The following CADM1 variants were observed in gnomAD, a reference collection of about 807,000 sequenced individuals.
The protein encoded by CADM1 is cell adhesion molecule 1.
In CADM1, 15 loss-of-function variants were observed where a neutral mutation model predicts 53.1. That is an observed-to-expected ratio of 0.28 (90% CI 0.19 to 0.44). CADM1 has a LOEUF of 0.44. CADM1 is among the 20% of genes least tolerant of loss of function. CADM1 has a pLI of 1.00. For synonymous variants in CADM1, 281 were observed against 243.0 expected, an observed-to-expected ratio of 1.16 and a Z score of -1.45; for missense variants, 434 against 611.3, an observed-to-expected ratio of 0.71 and a Z score of 3.06.
At chr11:115,208,287 C>CT (rs1440944721) in intron 8 of CADM1, among the ~76,000 whole-genome samples, 1 of 152,172 alleles carries the variant, frequency 6.6e-6, no homozygotes, top group Non-Finnish European at 1.5e-5. Flanking sequence ...CTTAAGGGTT[C>CT]TTTTTTCCAC....
chr11:115,295,541 TATATATATAATA>T, intron 1 of CADM1, among the ~76,000 whole-genome samples: 1 of 82,468 alleles, frequency 1.2e-5, no homozygotes, highest in South Asian at 3.2e-4. Context: ...TATATATATA[TATATATATAATA>T]TATATGTATA....
intron 1 of CADM1, among the ~76,000 whole-genome samples, chr11:115,278,939 G>A (rs1458483110): frequency 1.3e-5 from 2 of 152,200 alleles, no homozygotes; most frequent in Admixed American, 6.5e-5. Flanking sequence ...ACTTACTGCC[G>A]AAGATGGGAA....
Position 115,175,798 on chromosome 11 carries a change from C to G in CADM1, c.*676G>C. 2 of 992,364 alleles carry G rather than the reference C, an allele frequency of 2.0e-6. No homozygotes were observed. Among genetic ancestry groups the G allele is most frequent in the Non-Finnish European group, 2.4e-6 (2 of 833,980 alleles). The allele number at this position is 992,364 out of a possible 1,614,324, so 61.5% of individuals were successfully genotyped here. A position where few individuals can be genotyped will look rare whatever the true frequency, so the allele number is the denominator to read the frequency against. On this transcript the variant is annotated 3_prime_UTR_variant, in exon 12 of 12. Transcript: ENST00000331581. ...AGCAAACAGAACATTTTCTGAATCA[C>G]AGTCTAATTTTCTAGTCTTCACTGC...
chr11:115,417,779 C>G (rs1365966776), intron 1 of CADM1, among the ~76,000 whole-genome samples: 2 of 152,252 alleles, frequency 1.3e-5, no homozygotes, highest in African/African-American at 4.8e-5. Context: ...TCTATTTAAT[C>G]TTTTTGGATC....
intron 1 of CADM1, among the ~76,000 whole-genome samples, chr11:115,465,036 T>C (rs1948869187): frequency 6.6e-6 from 1 of 152,182 alleles, no homozygotes; most frequent in South Asian, 2.1e-4. Context: ...TACAACCACT[T>C]ATCTGGGCAT....
intron 1 of CADM1, among the ~76,000 whole-genome samples, chr11:115,336,043 G>C (rs909977655): frequency 5.3e-5 from 8 of 152,054 alleles, no homozygotes; most frequent in Admixed American, 6.6e-5. Flanking sequence ...CAAGTATGTA[G>C]CAAAAATGCT....
intron 1 of CADM1, among the ~76,000 whole-genome samples, chr11:115,463,806 AT>A (rs1948842182): frequency 7.3e-6 from 1 of 137,388 alleles, no homozygotes; most frequent in East Asian, 2.2e-4. Context: ...TGTCACATCC[AT>A]TTTGTTATCT....
chr11:115,181,867 C>A (rs1344506403), intron 10 of CADM1, among the ~76,000 whole-genome samples: 2 of 152,212 alleles, frequency 1.3e-5, no homozygotes, highest in Non-Finnish European at 2.9e-5. Context: ...TGACATGAAG[C>A]AGCCGTGCAA....
chr11:115,226,620 T>G (rs146157951), intron 5 of CADM1, among the ~76,000 whole-genome samples: 2 of 152,318 alleles, frequency 1.3e-5, no homozygotes, highest in East Asian at 3.9e-4. Flanking sequence ...GTGTCTCTTC[T>G]TTCCTCATGG....
chr11:115,488,313 G>T (rs1160936014), intron 1 of CADM1, among the ~76,000 whole-genome samples: 1 of 152,204 alleles, frequency 6.6e-6, no homozygotes, highest in African/African-American at 2.4e-5. Flanking sequence ...TAAATGGATG[G>T]ATGTGACTAT....
At chr11:115,418,856 C>T (rs891735651) in intron 1 of CADM1, among the ~76,000 whole-genome samples, 3 of 152,020 alleles carry the variant, frequency 2.0e-5, no homozygotes. Flanking sequence ...ACTTAAAGCA[C>T]GTCAAGACAA....
At chr11:115,311,980 T>C (rs1682124695) in intron 1 of CADM1, among the ~76,000 whole-genome samples, 1 of 152,168 alleles carries the variant, frequency 6.6e-6, no homozygotes, top group South Asian at 2.1e-4. Context: ...ATGTATTTAA[T>C]ATGTTTCTTC....
intron 1 of CADM1, among the ~76,000 whole-genome samples, chr11:115,490,993 C>G (rs560381391): frequency 6.6e-6 from 1 of 152,166 alleles, no homozygotes; most frequent in East Asian, 1.9e-4. Context: ...AACATCCGGA[C>G]TGAGATGTCC....
chr11:115,303,178 T>G (rs1186923009), intron 1 of CADM1, among the ~76,000 whole-genome samples: 1 of 151,990 alleles, frequency 6.6e-6, no homozygotes, highest in African/African-American at 2.4e-5. Context: ...AATCCTGTCC[T>G]CCTTTCTAGT....
At chr11:115,350,578 C>A (rs1945706784) in intron 1 of CADM1, among the ~76,000 whole-genome samples, 1 of 143,616 alleles carries the variant, frequency 7.0e-6, no homozygotes, top group African/African-American at 2.6e-5. Flanking sequence ...AATAGGAATA[C>A]ACAATAATTA....
rs548278512 is a variant in CADM1, at chr11:115,496,457, T to C, written c.124+7814A>G. Among the ~76,000 whole-genome samples, 4 of 152,266 alleles carry C rather than the reference T, an allele frequency of 2.6e-5. No homozygotes were observed. In the East Asian group the frequency reaches 7.7e-4, roughly 29 times the overall value. ...AGTTTCACTGGAGAATCATCAGTCT[T>C]CCAGTCCCATCAGGATTAAGCTGAA... On this transcript the variant is annotated intron_variant, in intron 1 of 11. Transcript: ENST00000331581.
At chr11:115,338,893 T>TTA (rs1565373793) in intron 1 of CADM1, among the ~76,000 whole-genome samples, 4 of 54,498 alleles carry the variant, frequency 7.3e-5, no homozygotes, top group South Asian at 4.1e-4. Context: ...TTTTTTTTAA[T>TTA]TTTTTTTTTT....
At chr11:115,239,214 A>G (rs961476457) in intron 2 of CADM1, among the ~76,000 whole-genome samples, 1 of 152,186 alleles carries the variant, frequency 6.6e-6, no homozygotes, top group Non-Finnish European at 1.5e-5. Flanking sequence ...GCAACATGAA[A>G]AATTATTTTA....
In CADM1 at chr11:115,174,318, CT is replaced by C. The variant is rs1938920221; in HGVS notation, c.*2155del. 1.0e-6 allele frequency: 1 copy of C among 983,702 alleles called. No homozygotes were observed. The highest frequency in any genetic ancestry group is 1.2e-6 in the Non-Finnish European group (1 of 829,004). The allele number at this position is 983,702 out of a possible 1,614,324, so 60.9% of individuals were successfully genotyped here. A position where few individuals can be genotyped will look rare whatever the true frequency, so the allele number is the denominator to read the frequency against. On this transcript the variant is annotated 3_prime_UTR_variant, in exon 12 of 12. Coordinates refer to ENST00000331581, the MANE Select transcript of CADM1 (RefSeq NM_001301043.2). ...TTTTCTTTTTTTCTAAAAAGAACAA[CT>C]GAAAAAAAACCTTTCAACAACATGC...
Sources: allele counts gnomAD v4.1 joint callset (sites outside exome capture counted in the v4.1 genomes callset), GRCh38; gene constraint gnomAD v4.1.1; transcripts MANE v1.5; gene names NCBI Gene and HGNC (gene_info 2026-07-23, HGNC 2026-07-21).